UGT2B10: variants seen among roughly 807,000 people sequenced by gnomAD.
UGT2B10 encodes the protein UDP-glucuronosyltransferase 2B10.
In UGT2B10, 51 loss-of-function variants were observed where a neutral mutation model predicts 43.7. That is an observed-to-expected ratio of 1.17 (90% CI 0.93 to 1.47). UGT2B10 has a LOEUF of 1.47. Ranked by LOEUF, UGT2B10 falls within the 40% of genes most tolerant of loss-of-function variation. The pLI, the probability that UGT2B10 is intolerant of heterozygous loss-of-function variation, is 0.00. For synonymous variants in UGT2B10, 225 were observed against 209.0 expected (o/e 1.08, Z -0.66); for missense variants, 696 against 617.7 (o/e 1.13, Z -1.34).
At chr4:68,820,982 G>T (rs977129283) in intron 2 of UGT2B10, among the ~76,000 whole-genome samples, 4 of 152,132 alleles carry the variant, frequency 2.6e-5, no homozygotes, top group Admixed American at 1.3e-4. Context: ...AAGCCAGTAA[G>T]ATGAAACACT....
At chr4:68,818,269 G>T (rs2109684913) in intron 2 of UGT2B10, 92 bp downstream of exon 2, 1 of 1,555,138 alleles carries the variant, frequency 6.4e-7, no homozygotes, top group South Asian at 1.3e-5. Flanking sequence ...GACTAACACT[G>T]AAAAAGATGG....
At chr4:68,821,392 T>C (rs542887054) in intron 2 of UGT2B10, among the ~76,000 whole-genome samples, 21 of 152,248 alleles carry the variant, frequency 1.4e-4, no homozygotes, top group Middle Eastern at 3.4e-3. Flanking sequence ...GCCTCTCCTA[T>C]TCTGGTGCAA....
intron 3 of UGT2B10, among the ~76,000 whole-genome samples, chr4:68,822,938 G>A (rs957818339): frequency 6.6e-6 from 1 of 151,898 alleles, no homozygotes; most frequent in Non-Finnish European, 1.5e-5. Flanking sequence ...CTAACTCTTG[G>A]GCCACCTCTA....
At chr4:68,828,189 C>T (rs1737897813) in intron 5 of UGT2B10, among the ~76,000 whole-genome samples, 1 of 151,994 alleles carries the variant, frequency 6.6e-6, no homozygotes. Flanking sequence ...ATAGATTATT[C>T]TCTATAGATG....
chr4:68,830,797 C>T lies in UGT2B10; in HGVS notation c.1505C>T (p.Thr502Ile), dbSNP rs1410238987. 6.2e-7 allele frequency: 1 copy of T among 1,613,232 alleles called. No individual in the cohort carries two copies. Residue 502 changes from threonine to isoleucine, a missense_variant, in exon 6 of 6, where the codon ACC becomes ATC. Physicochemically the swap from Thr to Ile is moderately conservative, Grantham distance 89 (BLOSUM62 -1). Coordinates refer to ENST00000265403, the MANE Select transcript of UGT2B10 (RefSeq NM_001075.6). ...GGGTTCCTGCTGGCTTGTGTGGCAA[C>T]CGTGCTATTTATCATCACAAAGTGT... The part of the protein sequence containing the change: ...VIGFLLACVA[T>I]VLFIITKCCL...
At position 68,816,270 on chromosome 4, in the gene UGT2B10, A is replaced by C. The variant is rs566284581; in HGVS notation, c.251A>C (p.Glu84Ala). Reference protein sequence around the residue: ...EVYPTSLTKTEFENIIMQLVK... With the variant: ...EVYPTSLTKTAFENIIMQLVK... Reference sequence around the variant, plus strand: ...TATCCTACATCTTTAACTAAAACTGAATTTGAGAATATCATCATGCAATTG... The same window carrying C: ...TATCCTACATCTTTAACTAAAACTGCATTTGAGAATATCATCATGCAATTG... Residue 84 changes from glutamate (E) to alanine (A), a missense_variant, in exon 1 of 6, where the codon GAA becomes GCA. Transcript: ENST00000265403. The C allele has an allele frequency of 6.2e-7, 1 of 1,613,190 alleles. No homozygotes were observed. Among genetic ancestry groups the C allele is most frequent in the East Asian group, 2.2e-5 (1 of 44,788 alleles).
chr4:68,823,107 A>G (rs1376096149), intron 3 of UGT2B10, among the ~76,000 whole-genome samples: 5 of 152,082 alleles, frequency 3.3e-5, no homozygotes, highest in African/African-American at 7.2e-5. Flanking sequence ...CTATTTAAGG[A>G]TCAGTGGTAG....
chr4:68,827,218 A>G, intron 4 of UGT2B10, 111 bp from the exon 5 acceptor site: 1 of 1,542,308 alleles, frequency 6.5e-7, no homozygotes, highest in Non-Finnish European at 8.8e-7. Flanking sequence ...GAAAAGTAAT[A>G]GCAAATTAGT....
At chr4:68,826,303 T>G (rs1266045782) in intron 3 of UGT2B10, 107 bp from the exon 4 acceptor site, 41 of 1,247,524 alleles carry the variant, frequency 3.3e-5, no homozygotes, top group Non-Finnish European at 4.4e-5. Context: ...TTGAGTAGAT[T>G]TATTTACTAA....
chr4:68,819,135 A>C lies in UGT2B10; in HGVS notation c.867+958A>C, dbSNP rs543653089. 8.6e-5 allele frequency among the ~76,000 whole-genome samples: 13 copies of C among 152,028 alleles called. No individual in the cohort carries two copies. The South Asian group carries it at 2.7e-3, about 32-fold the overall frequency. On this transcript the variant is annotated intron_variant, in intron 2 of 5. Coordinates refer to ENST00000265403, the MANE Select transcript of UGT2B10 (RefSeq NM_001075.6). Reference sequence around the variant, plus strand: ...CTTCATATTGTGTTGTGTGGAAAAAAATATTAACACAGACAAAACACTTAA... The same window carrying C: ...CTTCATATTGTGTTGTGTGGAAAAACATATTAACACAGACAAAACACTTAA...
chr4:68,830,077 G>C (rs1053310906), intron 5 of UGT2B10, among the ~76,000 whole-genome samples: 1 of 152,016 alleles, frequency 6.6e-6, no homozygotes, highest in African/African-American at 2.4e-5. Context: ...TTAATTCTCA[G>C]ATTGCATTTT....
At chr4:68,825,499 C>T (rs1415846013) in intron 3 of UGT2B10, among the ~76,000 whole-genome samples, 2 of 151,938 alleles carry the variant, frequency 1.3e-5, no homozygotes, top group South Asian at 2.1e-4. Flanking sequence ...CCATCCTCCA[C>T]CTTCCAATAC....
At chr4:68,825,977 TC>T (rs1228252509) in intron 3 of UGT2B10, among the ~76,000 whole-genome samples, 1 of 152,086 alleles carries the variant, frequency 6.6e-6, no homozygotes. Flanking sequence ...GCATTCCTTT[TC>T]TATACAACCT....
intron 1 of UGT2B10, among the ~76,000 whole-genome samples, chr4:68,817,591 G>C (rs975846990): frequency 1.3e-5 from 2 of 151,678 alleles, no homozygotes; most frequent in South Asian, 4.1e-4. Flanking sequence ...AAAGATAAAA[G>C]GATTAGCTTA....
chr4:68,818,886 C>A (rs1307379655), intron 2 of UGT2B10, among the ~76,000 whole-genome samples: 2 of 151,786 alleles, frequency 1.3e-5, no homozygotes, highest in Non-Finnish European at 2.9e-5. Context: ...TTATTAAGAA[C>A]ATTGAAAACA....
intron 5 of UGT2B10, 50 bp from the exon 6 acceptor site, chr4:68,830,550 A>G: frequency 6.4e-7 from 1 of 1,555,446 alleles, no homozygotes; most frequent in Non-Finnish European, 8.7e-7. Flanking sequence ...TGATATCTAC[A>G]GGCAAATTAA....
chr4:68,819,204 T>G (rs1210832905), intron 2 of UGT2B10, among the ~76,000 whole-genome samples: 2 of 151,958 alleles, frequency 1.3e-5, no homozygotes, highest in Non-Finnish European at 2.9e-5. Context: ...TGTTATTAAT[T>G]TTGCAATTAT....
In UGT2B10 at chr4:68,816,008, C is replaced by T; in HGVS notation, c.-12C>T. 2 of 1,611,886 alleles carry T rather than the reference C, an allele frequency of 1.2e-6. No homozygotes were observed. Among genetic ancestry groups the T allele is most frequent in the East Asian group, 2.2e-5 (1 of 44,784 alleles). On this transcript the variant is annotated 5_prime_UTR_variant, in exon 1 of 6. Transcript: ENST00000265403. ...AACAGTGACTGGAAAAGAATTATCA[C>T]ATTGCACAAGGATGGCTCTGAAATG...
intron 2 of UGT2B10, among the ~76,000 whole-genome samples, chr4:68,818,827 G>T (rs191396359): frequency 9.9e-5 from 15 of 151,878 alleles, no homozygotes; most frequent in Admixed American, 9.9e-4. Context: ...AGAATCAGAT[G>T]ACCCTAAAAG....
Sources: gnomAD v4.1 joint callset for allele counts (sites outside exome capture counted in the v4.1 genomes callset) on GRCh38, gnomAD v4.1.1 for gene constraint, MANE v1.5 for transcripts, NCBI Gene and HGNC (gene_info 2026-07-23, HGNC 2026-07-21) for gene names.